SLC39A9: variants seen among roughly 807,000 people sequenced by gnomAD.
The protein encoded by SLC39A9 is solute carrier family 39 member 9, also known as zinc transporter ZIP9.
A neutral mutation model predicts 28.4 loss-of-function variants in SLC39A9; 14 were observed. The observed-to-expected ratio is 0.49, with a 90% CI of 0.33 to 0.77. The LOEUF (loss-of-function observed/expected upper bound fraction) is 0.77. Ranked by LOEUF, SLC39A9 falls within the 30% of genes least tolerant of loss-of-function variation. The pLI, the probability that SLC39A9 is intolerant of heterozygous loss-of-function variation, is 0.02. For missense variants in SLC39A9, 283 were observed against 381.1 expected (o/e 0.74, Z 2.14); for synonymous variants, 119 against 149.6 (o/e 0.80, Z 1.49).
rs1465513536 is a variant in SLC39A9 at position 69,460,706 on chromosome 14, A to ATTG, written c.*2114_*2116dup. ...GATGGAGCCTTGAACTCCGGCAAGGATTGAACCATCTGACTTCCAAATTTG... is the reference window on the plus strand; with the variant it reads ...GATGGAGCCTTGAACTCCGGCAAGGATTGTTGAACCATCTGACTTCCAAATTTG... On this transcript the variant is annotated 3_prime_UTR_variant, in exon 7 of 7. Transcript: ENST00000336643. The ATTG allele has an allele frequency of 1.9e-5, 19 of 985,342 alleles. No individual in the cohort carries two copies. In the South Asian group the frequency reaches 6.1e-4, roughly 32 times the overall value. 61.0% of individuals were successfully genotyped at this position (985,342 alleles called of 1,614,324 possible). A position where few individuals can be genotyped will look rare whatever the true frequency, so the allele number is the denominator to read the frequency against.
intron 6 of SLC39A9, among the ~76,000 whole-genome samples, chr14:69,457,529 G>A (rs1284605941): frequency 2.6e-5 from 4 of 151,680 alleles, no homozygotes; most frequent in Non-Finnish European, 1.5e-5. Flanking sequence ...GGCTCTATGA[G>A]GTCAACTACT....
intron 1 of SLC39A9, among the ~76,000 whole-genome samples, chr14:69,417,859 G>C (rs1460198835): frequency 2.0e-5 from 3 of 152,162 alleles, no homozygotes; most frequent in Admixed American, 6.5e-5. Context: ...TCAGCTTAAG[G>C]AGATTTTGGG....
chr14:69,399,321 C>A lies in SLC39A9; in HGVS notation c.-49C>A. On this transcript the variant is annotated 5_prime_UTR_variant, in exon 1 of 7. Coordinates refer to ENST00000336643, the MANE Select transcript of SLC39A9 (RefSeq NM_018375.5). ...AAAGAACCTAAGCACCATTTAAAGC[C>A]ACTGGAAATTTGTTGTCTAGTGGTT... The A allele has an allele frequency of 6.5e-7, 1 of 1,539,902 alleles. No homozygotes were observed. The highest frequency in any genetic ancestry group is 9.0e-7 in the Non-Finnish European group (1 of 1,115,906).
At chr14:69,453,361 C>A in intron 4 of SLC39A9, 52 bp downstream of exon 4, 1 of 1,535,748 alleles carries the variant, frequency 6.5e-7, no homozygotes, top group Non-Finnish European at 9.0e-7. Flanking sequence ...ACAGGGGAGA[C>A]CTTAGTGTTT....
chr14:69,412,889 C>G (rs944007700), intron 1 of SLC39A9, among the ~76,000 whole-genome samples: 2 of 152,180 alleles, frequency 1.3e-5, no homozygotes, highest in Non-Finnish European at 2.9e-5. Flanking sequence ...CGCTGCCTTT[C>G]TTCGAAGGAA....
chr14:69,416,318 T>C (rs1486978612), intron 1 of SLC39A9, among the ~76,000 whole-genome samples: 2 of 152,240 alleles, frequency 1.3e-5, no homozygotes, highest in Non-Finnish European at 2.9e-5. Context: ...TTTTCATGGC[T>C]GCATAGTATT....
At chr14:69,415,032 A>G (rs1156401612) in intron 1 of SLC39A9, among the ~76,000 whole-genome samples, 1 of 152,230 alleles carries the variant, frequency 6.6e-6, no homozygotes, top group South Asian at 2.1e-4. Context: ...TTGTTTAAAT[A>G]TACCACAATT....
At chr14:69,433,443 C>A (rs1342161316) in intron 2 of SLC39A9, among the ~76,000 whole-genome samples, 2 of 152,028 alleles carry the variant, frequency 1.3e-5, no homozygotes, top group Non-Finnish European at 2.9e-5. Flanking sequence ...GTAATGCTGG[C>A]CTCTTAGATT....
intron 6 of SLC39A9, among the ~76,000 whole-genome samples, chr14:69,456,673 G>T (rs1885880417): frequency 6.6e-6 from 1 of 152,178 alleles, no homozygotes; most frequent in Non-Finnish European, 1.5e-5. Context: ...ATGTCAACTG[G>T]CAGGCAACTG....
intron 3 of SLC39A9, among the ~76,000 whole-genome samples, chr14:69,448,233 A>AAG (rs1885437204): frequency 6.7e-6 from 1 of 148,964 alleles, no homozygotes; most frequent in East Asian, 1.9e-4. Flanking sequence ...AAAAAAAAAA[A>AAG]GCACAAAAAA....
At chr14:69,436,937 G>A (rs991311294) in intron 2 of SLC39A9, among the ~76,000 whole-genome samples, 3 of 152,150 alleles carry the variant, frequency 2.0e-5, no homozygotes, top group African/African-American at 7.2e-5. Flanking sequence ...AGACCACTGG[G>A]ATCCCTTGCT....
chr14:69,458,213 G>A, intron 6 of SLC39A9, 150 bp from the exon 7 acceptor site: 1 of 900,098 alleles, frequency 1.1e-6, no homozygotes, highest in African/African-American at 1.7e-5. Flanking sequence ...AGCTTCCCAT[G>A]AATAACTTAA....
intron 1 of SLC39A9, among the ~76,000 whole-genome samples, chr14:69,413,939 A>G (rs560418320): frequency 6.6e-6 from 1 of 152,248 alleles, no homozygotes; most frequent in East Asian, 1.9e-4. Flanking sequence ...TTGAATTGAT[A>G]ACTTTGGTAG....
intron 2 of SLC39A9, among the ~76,000 whole-genome samples, chr14:69,426,989 G>T (rs1401119899): frequency 1.3e-5 from 2 of 149,162 alleles, no homozygotes; most frequent in Admixed American, 1.3e-4. Flanking sequence ...CAGTTTTCCT[G>T]ATTTTTGACC....
chr14:69,441,751 C>G, intron 2 of SLC39A9: 1 of 1,018,906 alleles, frequency 9.8e-7, no homozygotes, highest in Non-Finnish European at 1.2e-6. Context: ...ATGAATTTCT[C>G]AGATAAAGGA....
chr14:69,428,651 T>C lies in SLC39A9; in HGVS notation c.205+4449T>C, dbSNP rs1029590039. 4 of 151,872 alleles carry C rather than the reference T, an allele frequency of 2.6e-5. No individual in the cohort carries two copies. In the Admixed American group the frequency reaches 2.7e-4, roughly 10 times the overall value. 9.4% of individuals were successfully genotyped at this position (151,872 alleles called of 1,614,324 possible). A position where few individuals can be genotyped will look rare whatever the true frequency, so the allele number is the denominator to read the frequency against. ...CCAAGTGGGATCAAGATCCTGGAGG[T>C]TTTTTTCAAAGAATTGTAACAGAAG... On this transcript the variant is annotated intron_variant, in intron 2 of 6. Transcript: ENST00000336643.
At chr14:69,417,087 G>T (rs998403199) in intron 1 of SLC39A9, among the ~76,000 whole-genome samples, 1 of 152,126 alleles carries the variant, frequency 6.6e-6, no homozygotes, top group Non-Finnish European at 1.5e-5. Flanking sequence ...TTTTCTTCTA[G>T]GGTTTTTATG....
At chr14:69,446,950 AGAGAGAGAGAGAGAGAGC>A (rs1268380791) in intron 3 of SLC39A9, among the ~76,000 whole-genome samples, 1 of 146,290 alleles carries the variant, frequency 6.8e-6, no homozygotes, top group African/African-American at 2.5e-5. Flanking sequence ...ATATATATAG[AGAGAGAGAGAGAGAGAGC>A]GAGAGAGAGA....
chr14:69,429,542 A>G (rs1025296918), intron 2 of SLC39A9: 3 of 152,216 alleles, frequency 2.0e-5, no homozygotes, highest in Admixed American at 2.0e-4. Flanking sequence ...CCTGGGCAAC[A>G]TAGTGAAACC....
Sources: gnomAD v4.1 joint callset for allele counts (sites outside exome capture counted in the v4.1 genomes callset) on GRCh38, gnomAD v4.1.1 for gene constraint, MANE v1.5 for transcripts, NCBI Gene and HGNC (gene_info 2026-07-23, HGNC 2026-07-21) for gene names.